CCDC102B: variants seen among roughly 807,000 people sequenced by gnomAD.
The protein encoded by CCDC102B is coiled-coil domain-containing protein 102B.
Under a neutral mutation model 57.4 loss-of-function variants are expected in CCDC102B, and 75 were observed. The observed-to-expected ratio is 1.31, with a 90% CI of 1.08 to 1.58. The LOEUF is 1.58. CCDC102B is among the 40% of genes most tolerant of loss of function. The pLI is 0.00. For synonymous variants in CCDC102B, 206 were observed against 201.9 expected, an observed-to-expected ratio of 1.02 and a Z score of -0.17; for missense variants, 636 against 582.6, an observed-to-expected ratio of 1.09 and a Z score of -0.94.
intron 7 of CCDC102B, among the ~76,000 whole-genome samples, chr18:69,052,853 CAATAT>C (rs1486387065): frequency 6.6e-6 from 1 of 151,752 alleles, no homozygotes; most frequent in Non-Finnish European, 1.5e-5. Flanking sequence ...CTAAACAACA[CAATAT>C]AACAACTAGT....
chr18:68,992,594 C>A (rs1430475980), intron 6 of CCDC102B: 2 of 152,372 alleles, frequency 1.3e-5, no homozygotes, highest in Non-Finnish European at 2.9e-5. Flanking sequence ...TAGAAGACCA[C>A]CTTCTTCCCG....
At chr18:68,951,418 T>A (rs1016932696) in intron 6 of CCDC102B, among the ~76,000 whole-genome samples, 23 of 152,172 alleles carry the variant, frequency 1.5e-4, no homozygotes, top group African/African-American at 5.5e-4. Flanking sequence ...TAAAATATTT[T>A]AAAACTAGGA....
intron 2 of CCDC102B, among the ~76,000 whole-genome samples, chr18:68,722,918 T>A (rs1233558427): frequency 6.7e-6 from 1 of 150,298 alleles, no homozygotes; most frequent in Non-Finnish European, 1.5e-5. Context: ...TTTTTTTTTT[T>A]AGATTCAGGG....
rs1440675947 is a variant in CCDC102B, at chr18:69,054,138, T to A, written c.*1T>A. The A allele has an allele frequency of 1.3e-6, 2 of 1,591,466 alleles. No individual in the cohort carries two copies. The highest frequency in any genetic ancestry group is 1.4e-5 in the African/African-American group (1 of 73,478). On this transcript the variant is annotated 3_prime_UTR_variant, in exon 8 of 8. Coordinates refer to ENST00000360242, the MANE Select transcript of CCDC102B (RefSeq NM_024781.3). ...ACTCAGGCACTTGCAAAACTGGTAA[T>A]TTTTTCACAAAATATGCTGAATTAA...
chr18:68,748,019 C>T (rs574279185), intron 2 of CCDC102B, among the ~76,000 whole-genome samples: 23 of 152,232 alleles, frequency 1.5e-4, no homozygotes, highest in African/African-American at 5.5e-4. Flanking sequence ...TATATGCTCA[C>T]AAATGCTTGT....
intron 6 of CCDC102B, among the ~76,000 whole-genome samples, chr18:68,914,585 T>C (rs553538351): frequency 2.0e-5 from 3 of 152,340 alleles, no homozygotes; most frequent in South Asian, 2.1e-4. Context: ...TTGGATTGCA[T>C]GGAGGCTGGA....
chr18:68,891,729 T>G (rs1292544816), intron 5 of CCDC102B, among the ~76,000 whole-genome samples: 1 of 152,166 alleles, frequency 6.6e-6, no homozygotes, highest in Non-Finnish European at 1.5e-5. Context: ...CTGTGCTCAC[T>G]TGGAGAGAGG....
intron 6 of CCDC102B, among the ~76,000 whole-genome samples, chr18:68,971,726 A>C (rs2050305336): frequency 6.6e-6 from 1 of 152,160 alleles, no homozygotes; most frequent in South Asian, 2.1e-4. Context: ...CCCCATTTGG[A>C]GTGAGGTTTC....
chr18:69,013,439 G>C (rs1033684691), intron 7 of CCDC102B, among the ~76,000 whole-genome samples: 2 of 152,144 alleles, frequency 1.3e-5, no homozygotes, highest in African/African-American at 4.8e-5. Flanking sequence ...CATTATTCTG[G>C]TGAAGGATAT....
chr18:68,776,726 T>G (rs1416160937), intron 2 of CCDC102B, among the ~76,000 whole-genome samples: 2 of 152,110 alleles, frequency 1.3e-5, no homozygotes, highest in South Asian at 4.2e-4. Flanking sequence ...GCTTAATACC[T>G]GAGTAATGAA....
At position 68,766,497 on chromosome 18, in the gene CCDC102B, A is replaced by C. The variant is rs557978506; in HGVS notation, c.-67+49903A>C. ...GATGAGGACAATGGGTTGGCAATGGATGGACAGTGCTTAAGTATTCGTTAT... is the reference window on the plus strand; with the variant it reads ...GATGAGGACAATGGGTTGGCAATGGCTGGACAGTGCTTAAGTATTCGTTAT... On this transcript the variant is annotated intron_variant, in intron 2 of 3. Transcript: ENST00000578970. Among the ~76,000 whole-genome samples, 19 of 152,304 alleles carry C rather than the reference A, an allele frequency of 1.2e-4. No individual in the cohort carries two copies. The South Asian group carries it at 3.9e-3, about 32-fold the overall frequency.
chr18:69,041,737 C>G (rs1263074426), intron 7 of CCDC102B, among the ~76,000 whole-genome samples: 1 of 151,896 alleles, frequency 6.6e-6, no homozygotes, highest in African/African-American at 2.4e-5. Flanking sequence ...ATTCATTGAC[C>G]TTTTGCATAG....
chr18:68,719,261 A>C (rs1300241378), intron 2 of CCDC102B, among the ~76,000 whole-genome samples: 1 of 152,238 alleles, frequency 6.6e-6, no homozygotes, highest in Non-Finnish European at 1.5e-5. Context: ...TCTCCAGAGA[A>C]AGAAAACCAA....
chr18:69,056,371 C>G (rs1034705688), downstream of CCDC102B, among the ~76,000 whole-genome samples: 1 of 151,952 alleles, frequency 6.6e-6, no homozygotes, highest in African/African-American at 2.4e-5. Context: ...TGTGAGTTGG[C>G]TGTGGTCAAA....
At chr18:68,964,660 C>T (rs967738051) in intron 6 of CCDC102B, among the ~76,000 whole-genome samples, 7 of 151,722 alleles carry the variant, frequency 4.6e-5, no homozygotes, top group African/African-American at 1.5e-4. Context: ...TGAAGTAAGT[C>T]GATGATATTT....
intron 5 of CCDC102B, among the ~76,000 whole-genome samples, chr18:68,879,993 A>G (rs1389784394): frequency 6.6e-6 from 1 of 152,146 alleles, no homozygotes; most frequent in Non-Finnish European, 1.5e-5. Context: ...TGCAGTGCGC[A>G]TGCACTCCTC....
chr18:69,055,180 T>C lies in CCDC102B; in HGVS notation c.*1043T>C. ...TTCATTATTGAATAAAGACCACTTT[T>C]ATCAGAGTCTCTCATTGTAAAAGCC... On this transcript the variant is annotated 3_prime_UTR_variant, in exon 8 of 8. Coordinates refer to ENST00000360242, the MANE Select transcript of CCDC102B (RefSeq NM_024781.3). 5 of 968,458 alleles carry C rather than the reference T, an allele frequency of 5.2e-6. No individual in the cohort carries two copies. The highest frequency in any genetic ancestry group is 6.1e-6 in the Non-Finnish European group (5 of 814,526). 60.0% of individuals were successfully genotyped at this position (968,458 alleles called of 1,614,324 possible).
intron 6 of CCDC102B, among the ~76,000 whole-genome samples, chr18:68,902,647 G>A (rs2040495459): frequency 6.6e-6 from 1 of 152,140 alleles, no homozygotes; most frequent in South Asian, 2.1e-4. Flanking sequence ...TTACCTGTTA[G>A]AGATCTGCTT....
rs148167543 is a variant in CCDC102B, at chr18:68,998,940, A to C, written c.1264-11994A>C. Among the ~76,000 whole-genome samples, 585 of 149,598 alleles carry C rather than the reference A, an allele frequency of 3.9e-3. 10 individuals are homozygous for C. Among genetic ancestry groups the C allele is most frequent in the African/African-American group, 0.013 (533 of 40,542 alleles). On this transcript the variant is annotated intron_variant, in intron 6 of 7. Coordinates refer to ENST00000360242, the MANE Select transcript of CCDC102B (RefSeq NM_024781.3). ...CATCCTTCAATCCAATCAAGTTGAC[A>C]CTCAATGTTAATAATCACATAATCA...
Sources: allele counts gnomAD v4.1 joint callset (sites outside exome capture counted in the v4.1 genomes callset), GRCh38; gene constraint gnomAD v4.1.1; transcripts MANE v1.5; gene names NCBI Gene and HGNC (gene_info 2026-07-23, HGNC 2026-07-21).